NLRP14: variants seen among roughly 807,000 people sequenced by gnomAD.
The protein encoded by NLRP14 is NACHT, LRR and PYD domains-containing protein 14.
Under a neutral mutation model 94.7 loss-of-function variants are expected in NLRP14, and 105 were observed. The observed-to-expected ratio is 1.11, with a 90% CI of 0.95 to 1.30. The LOEUF (loss-of-function observed/expected upper bound fraction) is 1.30. Among genes scored for constraint, NLRP14 ranks in the 50% most tolerant of loss-of-function variants. NLRP14 has a pLI of 0.00. For synonymous variants in NLRP14, 508 were observed against 459.9 expected, an observed-to-expected ratio of 1.10 and a Z score of -1.34; for missense variants, 1,362 against 1,254.1, an observed-to-expected ratio of 1.09 and a Z score of -1.30.
At chr11:7,032,397 T>C (rs1355064434) in intron 1 of NLRP14, among the ~76,000 whole-genome samples, 1 of 152,202 alleles carries the variant, frequency 6.6e-6, no homozygotes, top group Non-Finnish European at 1.5e-5. Context: ...TTTACTATTC[T>C]AAACAAACAC....
chr11:7,072,873 G>C (rs777495121), downstream of NLRP14, among the ~76,000 whole-genome samples: 37 of 152,134 alleles, frequency 2.4e-4, no homozygotes, highest in Admixed American at 1.0e-3. Context: ...CAGAGAGATA[G>C]TTTTATGCTC....
intron 5 of NLRP14, among the ~76,000 whole-genome samples, chr11:7,047,318 GTT>G (rs55966273): frequency 2.1e-5 from 3 of 142,182 alleles, no homozygotes; most frequent in African/African-American, 5.1e-5. Flanking sequence ...TACCCCTTTC[GTT>G]TTTTTTTTTC....
chr11:7,086,577 A>G, the NLRP14 span, among the ~76,000 whole-genome samples: 38 of 152,388 alleles, frequency 2.5e-4, no homozygotes, highest in East Asian at 6.9e-3. Context: ...GTAGGGAAAC[A>G]TTCCCCAGTC....
At chr11:7,074,323 G>T (rs1852845984), downstream of NLRP14, among the ~76,000 whole-genome samples, 1 of 152,230 alleles carries the variant, frequency 6.6e-6, no homozygotes, top group Admixed American at 6.5e-5. Flanking sequence ...TAGAGAGGTG[G>T]CTTTACTGAG....
chr11:7,066,646 G>T (rs1342509084), intron 10 of NLRP14, among the ~76,000 whole-genome samples: 1 of 152,136 alleles, frequency 6.6e-6, no homozygotes, highest in African/African-American at 2.4e-5. Flanking sequence ...CAGGTTGCCT[G>T]TTCACTCTGA....
chr11:7,070,210 A>C, intron 10 of NLRP14, 76 bp from the exon 11 acceptor site: 1 of 1,034,816 alleles, frequency 9.7e-7, no homozygotes, highest in Admixed American at 1.7e-5. Context: ...CTCCATTCTG[A>C]GTTCACAGAT....
the NLRP14 span, chr11:7,089,413 C>A: frequency 6.3e-7 from 1 of 1,577,100 alleles, no homozygotes; most frequent in Non-Finnish European, 8.6e-7. Context: ...GGCCCGCCGC[C>A]TCCCCGCAGC....
rs76627674 is a variant in NLRP14, at chr11:7,066,152, G to A, written c.2975+3649G>A. 5.1e-3 allele frequency among the ~76,000 whole-genome samples: 778 copies of A among 152,126 alleles called. 10 individuals are homozygous for A. The highest frequency in any genetic ancestry group is 0.018 in the African/African-American group (752 of 41,510). ...GTTCTAAGCTTTTGATATTGCAAAT[G>A]GTGCTGCAATAAACATACATGTGCA... On this transcript the variant is annotated intron_variant, in intron 10 of 11. Transcript: ENST00000299481.
At chr11:7,029,035 T>G (rs1408668749) in intron 1 of NLRP14, among the ~76,000 whole-genome samples, 1 of 152,136 alleles carries the variant, frequency 6.6e-6, no homozygotes, top group African/African-American at 2.4e-5. Context: ...TTATGCAGCA[T>G]GAAGAAAAAA....
chr11:7,035,536 C>A (rs933696386), intron 1 of NLRP14, among the ~76,000 whole-genome samples: 1 of 152,118 alleles, frequency 6.6e-6, no homozygotes, highest in African/African-American at 2.4e-5. Flanking sequence ...ATAGTATCCC[C>A]CAAGGAAATA....
At position 7,031,604 on chromosome 11, in the gene NLRP14, G is replaced by A. The variant is rs144148188; in HGVS notation, c.-21-6962G>A. On this transcript the variant is annotated intron_variant, in intron 1 of 11. Coordinates refer to ENST00000299481, the MANE Select transcript of NLRP14 (RefSeq NM_176822.4). ...CGCTTCTTGAATCTCCTGGATTAAAGCGGTATGAATAGCCCCACTTTCACC... is the reference window on the plus strand; with the variant it reads ...CGCTTCTTGAATCTCCTGGATTAAAACGGTATGAATAGCCCCACTTTCACC... 1.2e-4 allele frequency among the ~76,000 whole-genome samples: 18 copies of A among 152,264 alleles called. No individual in the cohort carries two copies. The East Asian group carries it at 3.5e-3, about 29-fold the overall frequency.
chr11:7,038,361 A>G (rs1852190790), intron 1 of NLRP14, among the ~76,000 whole-genome samples: 1 of 152,240 alleles, frequency 6.6e-6, no homozygotes, highest in Non-Finnish European at 1.5e-5. Flanking sequence ...TGGAATAAAT[A>G]TACAGTACAG....
intron 1 of NLRP14, among the ~76,000 whole-genome samples, chr11:7,037,557 A>G (rs1441834596): frequency 6.6e-6 from 1 of 152,218 alleles, no homozygotes; most frequent in Non-Finnish European, 1.5e-5. Flanking sequence ...AAACAGATTA[A>G]GAAAACTTGA....
At chr11:7,044,400 C>G (rs767399452) in intron 4 of NLRP14, among the ~76,000 whole-genome samples, 1 of 152,116 alleles carries the variant, frequency 6.6e-6, no homozygotes, top group Non-Finnish European at 1.5e-5. Context: ...TTCTGCTGAA[C>G]CTGGTAAACA....
the NLRP14 span, among the ~76,000 whole-genome samples, chr11:7,082,195 A>G: frequency 6.6e-6 from 1 of 152,244 alleles, no homozygotes; most frequent in Non-Finnish European, 1.5e-5. Context: ...CAAAAGGATC[A>G]TCTGTCTGAG....
Position 7,046,680 on chromosome 11 carries a change from C to G in NLRP14, c.1971C>G (p.Arg657=). The part of the protein sequence containing the change: ...SLPTNTWDGD[R]ITHCWQDLCS... ...TATTTATGCAAAGGGATGGTGATCGCATTACTCACTGTTGGCAAGATCTCT... is the reference window on the plus strand; with the variant it reads ...TATTTATGCAAAGGGATGGTGATCGGATTACTCACTGTTGGCAAGATCTCT... Residue 657 remains arginine (R), a synonymous_variant, in exon 5 of 12, where the codon CGC becomes CGG. Coordinates refer to ENST00000299481, the MANE Select transcript of NLRP14 (RefSeq NM_176822.4). 6.2e-7 allele frequency: 1 copy of G among 1,613,462 alleles called. No individual in the cohort carries two copies.
the NLRP14 span, chr11:7,089,834 C>T: frequency 6.2e-7 from 1 of 1,610,726 alleles, no homozygotes; most frequent in Non-Finnish European, 8.5e-7. Flanking sequence ...CCGGAGAGTA[C>T]ACCCACCGCG....
chr11:7,059,329 C>T (rs895278771), intron 8 of NLRP14, among the ~76,000 whole-genome samples: 22 of 151,772 alleles, frequency 1.4e-4, no homozygotes, highest in African/African-American at 5.3e-4. Context: ...CTCATGACCT[C>T]AAGGAGTTTG....
chr11:7,035,588 T>C (rs1852150098), intron 1 of NLRP14, among the ~76,000 whole-genome samples: 1 of 152,110 alleles, frequency 6.6e-6, no homozygotes, highest in South Asian at 2.1e-4. Flanking sequence ...GGGAAACTGC[T>C]ATAGGAGATT....
Sources: allele counts gnomAD v4.1 joint callset (sites outside exome capture counted in the v4.1 genomes callset), GRCh38; gene constraint gnomAD v4.1.1; transcripts MANE v1.5; gene names NCBI Gene and HGNC (gene_info 2026-07-23, HGNC 2026-07-21).